The following ZNF892 variants were observed in gnomAD, a reference collection of about 807,000 sequenced individuals.
ZNF892 encodes zinc finger protein 570-like.
At chr2:95,243,647 C>T in the ZNF892 span, among the ~76,000 whole-genome samples, 14 of 149,978 alleles carry the variant, frequency 9.3e-5, no homozygotes, top group Non-Finnish European at 1.6e-4. Flanking sequence ...GGAGCCCCTC[C>T]GCCTGGCAGC....
chr2:95,260,582 G>T, the ZNF892 span, among the ~76,000 whole-genome samples: 1 of 152,094 alleles, frequency 6.6e-6, no homozygotes. Flanking sequence ...TACACCACAG[G>T]TCCCCCTAGG....
At chr2:95,256,199 G>A in the ZNF892 span, among the ~76,000 whole-genome samples, 1 of 152,202 alleles carries the variant, frequency 6.6e-6, no homozygotes, top group Non-Finnish European at 1.5e-5. Context: ...TGTTTTTGCA[G>A]TGGCTGGTAC....
the ZNF892 span, among the ~76,000 whole-genome samples, chr2:95,244,355 A>C: frequency 6.9e-6 from 1 of 145,606 alleles, no homozygotes; most frequent in Non-Finnish European, 1.5e-5. Context: ...AAAAAAAAAA[A>C]TTTATCAAAC....
chr2:95,214,775 A>G, the ZNF892 span: 1 of 455,378 alleles, frequency 2.2e-6, no homozygotes. Context: ...CAGGAGAAAA[A>G]CCCTATGAAT....
At chr2:95,252,005 T>C in the ZNF892 span, among the ~76,000 whole-genome samples, 3 of 152,224 alleles carry the variant, frequency 2.0e-5, no homozygotes, top group Non-Finnish European at 4.4e-5. Context: ...GGAAAAACCT[T>C]GGCCTGTGTT....
chr2:95,234,196 G>A, the ZNF892 span, among the ~76,000 whole-genome samples: 1 of 152,228 alleles, frequency 6.6e-6, no homozygotes, highest in African/African-American at 2.4e-5. Flanking sequence ...GCAGGTGGGA[G>A]TAGGTGTCCA....
the ZNF892 span, chr2:95,212,418 T>G: frequency 3.0e-5 from 12 of 395,164 alleles, no homozygotes; most frequent in East Asian, 7.2e-5. Context: ...ATCCTAGCTC[T>G]GTGGATGGTT....
the ZNF892 span, among the ~76,000 whole-genome samples, chr2:95,250,208 G>A: frequency 2.0e-5 from 3 of 151,798 alleles, no homozygotes; most frequent in Non-Finnish European, 2.9e-5. Flanking sequence ...TTTTTATTGT[G>A]TATTTTATTG....
At chr2:95,227,571 T>C in the ZNF892 span, among the ~76,000 whole-genome samples, 2 of 151,656 alleles carry the variant, frequency 1.3e-5, no homozygotes, top group South Asian at 4.2e-4. Flanking sequence ...GATCACCTGC[T>C]TCAGCCTCCC....
At chr2:95,219,966 A>T in the ZNF892 span, among the ~76,000 whole-genome samples, 2 of 152,152 alleles carry the variant, frequency 1.3e-5, no homozygotes, top group Non-Finnish European at 2.9e-5. Flanking sequence ...TGTGGGGTTG[A>T]GGGTAACATC....
At chr2:95,221,969 A>C in the ZNF892 span, among the ~76,000 whole-genome samples, 1 of 149,412 alleles carries the variant, frequency 6.7e-6, no homozygotes. Context: ...TTCTCCTTTC[A>C]CCCCTTTCTC....
the ZNF892 span, among the ~76,000 whole-genome samples, chr2:95,260,010 A>G: frequency 6.6e-6 from 1 of 152,198 alleles, no homozygotes; most frequent in African/African-American, 2.4e-5. Flanking sequence ...AGCTTTGGTT[A>G]GGTGAAACCT....
chr2:95,228,593 C>T, the ZNF892 span, among the ~76,000 whole-genome samples: 24 of 152,154 alleles, frequency 1.6e-4, no homozygotes, highest in African/African-American at 5.3e-4. Context: ...TATCTTGGCT[C>T]CTAACAACTT....
chr2:95,226,689 G>A, the ZNF892 span, among the ~76,000 whole-genome samples: 1 of 152,154 alleles, frequency 6.6e-6, no homozygotes, highest in African/African-American at 2.4e-5. Context: ...CTCTCCTTGG[G>A]ACAGGTCTGT....
the ZNF892 span, among the ~76,000 whole-genome samples, chr2:95,262,105 A>G: frequency 6.6e-6 from 1 of 152,246 alleles, no homozygotes; most frequent in Non-Finnish European, 1.5e-5. Context: ...TATTTTCTTC[A>G]GTACTATGTC....
chr2:95,235,764 T>C, the ZNF892 span, among the ~76,000 whole-genome samples: 1 of 152,184 alleles, frequency 6.6e-6, no homozygotes, highest in African/African-American at 2.4e-5. Flanking sequence ...TGGTCAAGTT[T>C]AGTTTGTTAG....
the ZNF892 span, among the ~76,000 whole-genome samples, chr2:95,232,385 C>T: frequency 1.3e-5 from 2 of 152,234 alleles, no homozygotes; most frequent in East Asian, 3.8e-4. Flanking sequence ...GGCATTGTGA[C>T]ATTCCAGTGC....
At chr2:95,256,341 G>C in the ZNF892 span, among the ~76,000 whole-genome samples, 1 of 152,178 alleles carries the variant, frequency 6.6e-6, no homozygotes, top group Non-Finnish European at 1.5e-5. Context: ...AGCTTAGTTT[G>C]GCTGGGTATG....
At chr2:95,242,000 A>G in the ZNF892 span, among the ~76,000 whole-genome samples, 1 of 152,228 alleles carries the variant, frequency 6.6e-6, no homozygotes, top group African/African-American at 2.4e-5. Flanking sequence ...GAGGTTATGT[A>G]AAGAGACTGA....
Sources: allele counts gnomAD v4.1 joint callset (sites outside exome capture counted in the v4.1 genomes callset), GRCh38; gene constraint gnomAD v4.1.1; transcripts MANE v1.5; gene names NCBI Gene and HGNC (gene_info 2026-07-23, HGNC 2026-07-21).